Variants in RD3 observed in about 807,000 individuals in gnomAD.
The protein encoded by RD3 is RD3 regulator of GUCY2D.
Under a neutral mutation model 16.9 loss-of-function variants are expected in RD3, and 11 were observed. That is an observed-to-expected ratio of 0.65 (90% CI 0.41 to 1.08). The LOEUF (loss-of-function observed/expected upper bound fraction) is 1.08, where lower values mean the gene tolerates loss of function less well. Among genes scored for constraint, RD3 ranks in the 50% least tolerant of loss-of-function variants. RD3 has a pLI of 0.00. For missense variants in RD3, 274 were observed against 267.4 expected (o/e 1.02, Z -0.17); for synonymous variants, 116 against 114.8 (o/e 1.01, Z -0.07).
intron 1 of RD3, 143 bp from the exon 2 acceptor site, chr1:211,481,569 T>A: frequency 1.4e-6 from 1 of 693,062 alleles, no homozygotes; most frequent in Non-Finnish European, 2.4e-6. Context: ...TGGCCTCAAG[T>A]AGGTGGCTTA....
chr1:211,483,113 A>G lies in RD3; in HGVS notation c.-11-1687T>C, dbSNP rs551454121. ...TCTGGAAGGCCACAGCTAAATCTCT[A>G]CTTACCGATGGAGACTTGAATGACC... On this transcript the variant is annotated intron_variant, in intron 1 of 2. Coordinates refer to ENST00000680073, the MANE Select transcript of RD3 (RefSeq NM_001164688.2). 1.6e-4 allele frequency among the ~76,000 whole-genome samples: 25 copies of G among 152,052 alleles called. 1 individual carries two copies. In the South Asian group the frequency reaches 5.0e-3, roughly 30 times the overall value.
chr1:211,479,416 AT>A, intron 2 of RD3, 89 bp from the exon 3 acceptor site: 1 of 1,226,220 alleles, frequency 8.2e-7, no homozygotes, highest in Non-Finnish European at 1.1e-6. Flanking sequence ...CTGCCCGTGC[AT>A]CCTCATGGCC....
intron 2 of RD3, among the ~76,000 whole-genome samples, 196 bp from the exon 3 acceptor site, chr1:211,479,523 A>G (rs908500240): frequency 6.6e-6 from 1 of 152,194 alleles, no homozygotes; most frequent in Non-Finnish European, 1.5e-5. Flanking sequence ...CAGCTCTGCC[A>G]CTTCTGGCCT....
At chr1:211,481,571 G>A (rs1296301513) in intron 1 of RD3, 145 bp from the exon 2 acceptor site, 1 of 690,994 alleles carries the variant, frequency 1.4e-6, no homozygotes, top group Admixed American at 2.7e-5. Context: ...GCCTCAAGTA[G>A]GTGGCTTAAT....
Position 211,478,921 on chromosome 1 carries a change from T to A in RD3, c.*115A>T. On this transcript the variant is annotated 3_prime_UTR_variant, in exon 3 of 3. Coordinates refer to ENST00000680073, the MANE Select transcript of RD3 (RefSeq NM_001164688.2). ...AGCAGCGTCTTGGGATGGGGCCGCC[T>A]CTTGGGTCTCCTCGTCAGGCCTAGG... The A allele has an allele frequency of 1.2e-6, 1 of 865,848 alleles. No individual in the cohort carries two copies. Among genetic ancestry groups the A allele is most frequent in the Non-Finnish European group, 1.7e-6 (1 of 598,236 alleles). The allele number at this position is 865,848 out of a possible 1,614,324, so 53.6% of individuals were successfully genotyped here.
rs189864621 is a variant in RD3, at chr1:211,486,014, G to T, written c.-11-4588C>A. 8.3e-4 allele frequency among the ~76,000 whole-genome samples: 126 copies of T among 151,644 alleles called. 2 individuals carry two copies. The highest frequency in any genetic ancestry group is 2.9e-3 in the African/African-American group (120 of 41,280). On this transcript the variant is annotated intron_variant, in intron 1 of 2. Coordinates refer to ENST00000680073, the MANE Select transcript of RD3 (RefSeq NM_001164688.2). ...AAATTAGCTGGGCGTTGTGGCATGCGCCTGTAGTTCCAACTACTCAGGAGG... is the reference window on the plus strand; with the variant it reads ...AAATTAGCTGGGCGTTGTGGCATGCTCCTGTAGTTCCAACTACTCAGGAGG...
chr1:211,478,281 A>C lies in RD3; in HGVS notation c.*755T>G. On this transcript the variant is annotated 3_prime_UTR_variant, in exon 3 of 3. Transcript: ENST00000680073. ...TTCTTGGAGAGCAGCTTAGATTCTC[A>C]TCCCACTGCCAAGGTAAGAGATGGA... 2.8e-5 allele frequency: 11 copies of C among 396,442 alleles called. No individual in the cohort carries two copies. The highest frequency in any genetic ancestry group is 1.1e-4 in the East Asian group (3 of 27,914). 24.6% of individuals were successfully genotyped at this position (396,442 alleles called of 1,614,324 possible).
rs758451641 is a variant in RD3, at chr1:211,479,334, G to A, written c.297-7C>T. 6.3e-7 allele frequency: 1 copy of A among 1,598,852 alleles called. No homozygotes were observed. Among genetic ancestry groups the A allele is most frequent in the Non-Finnish European group, 8.5e-7 (1 of 1,173,418 alleles). The stretch of plus-strand genomic sequence containing the variant: ...CGCCAGCAGCTGCCGGAACCTGGGC[G>A]GGAGGGGAGGGCGCTGGGGACATTC... On this transcript the variant is annotated splice_polypyrimidine_tract_variant and splice_region_variant and intron_variant, in intron 2 of 2. Transcript: ENST00000680073.
intron 1 of RD3, among the ~76,000 whole-genome samples, chr1:211,488,684 A>G (rs532569749): frequency 1.2e-4 from 19 of 152,278 alleles, no homozygotes; most frequent in Non-Finnish European, 2.5e-4. Context: ...TAAGACCCCT[A>G]TCCATCTTGG....
intron 1 of RD3, among the ~76,000 whole-genome samples, chr1:211,488,165 C>A (rs897516424): frequency 1.3e-5 from 2 of 152,218 alleles, no homozygotes; most frequent in Non-Finnish European, 2.9e-5. Context: ...TATGTGAAAA[C>A]ATTCAGTAAA....
chr1:211,479,645 C>T (rs184057650), intron 2 of RD3, among the ~76,000 whole-genome samples: 4 of 151,664 alleles, frequency 2.6e-5, no homozygotes, highest in South Asian at 4.2e-4. Context: ...TTGTTGATGA[C>T]GAAGCATTAA....
At chr1:211,487,674 C>A (rs1020336) in intron 1 of RD3, among the ~76,000 whole-genome samples, 2 of 152,150 alleles carry the variant, frequency 1.3e-5, no homozygotes, top group Admixed American at 6.5e-5. Flanking sequence ...GGGACCCCTG[C>A]CTGCAGTCCC....
At position 211,478,583 on chromosome 1, in the gene RD3, C is replaced by G. The variant is rs1404470344; in HGVS notation, c.*453G>C. 9.2e-6 allele frequency: 2 copies of G among 216,286 alleles called. No homozygotes were observed. Among genetic ancestry groups the G allele is most frequent in the East Asian group, 2.1e-4 (2 of 9,696 alleles). 13.4% of individuals were successfully genotyped at this position (216,286 alleles called of 1,614,324 possible). A position where few individuals can be genotyped will look rare whatever the true frequency, so the allele number is the denominator to read the frequency against. On this transcript the variant is annotated 3_prime_UTR_variant, in exon 3 of 3. Transcript: ENST00000680073. Reference sequence around the variant, plus strand: ...CTGCAGTGGTGAGCTCAGCCAGTCACTAGCAAGAAGGCATACCAGCCAACA... The same window carrying G: ...CTGCAGTGGTGAGCTCAGCCAGTCAGTAGCAAGAAGGCATACCAGCCAACA...
At chr1:211,480,322 GC>G (rs1705235872) in intron 2 of RD3, among the ~76,000 whole-genome samples, 2 of 152,170 alleles carry the variant, frequency 1.3e-5, no homozygotes, top group African/African-American at 2.4e-5. Context: ...AAGGAGAGGA[GC>G]TTTTGAAGGG....
At chr1:211,482,923 G>A (rs1325463808) in intron 1 of RD3, among the ~76,000 whole-genome samples, 5 of 152,026 alleles carry the variant, frequency 3.3e-5, no homozygotes, top group Admixed American at 2.6e-4. Context: ...GATGAACTCA[G>A]TCTCAACAGC....
At position 211,482,470 on chromosome 1, in the gene RD3, C is replaced by G. The variant is rs186994353; in HGVS notation, c.-11-1044G>C. Among the ~76,000 whole-genome samples the G allele has an allele frequency of 1.3e-3, 202 of 151,916 alleles. 6 individuals carry two copies. The highest frequency in any genetic ancestry group is 4.5e-3 in the African/African-American group (186 of 41,228). ...TGATGTGGGAGGGGAAGGTGTGACC[C>G]TAGATGGTGAAAAGTGCCAGAGTGG... On this transcript the variant is annotated intron_variant, in intron 1 of 2. Transcript: ENST00000680073.
At position 211,481,283 on chromosome 1, in the gene RD3, G is replaced by A. The variant is rs369960606; in HGVS notation, c.133C>T (p.Arg45Trp). The change falls in exon 2 of 3, where the codon CGG (arginine) becomes TGG (tryptophan). Residue 45 changes from arginine to tryptophan, a missense_variant. Coordinates refer to ENST00000680073, the MANE Select transcript of RD3 (RefSeq NM_001164688.2). The part of the protein sequence containing the change: ...GQMREAERQQ[R>W]ERSNAVRKVC... The stretch of plus-strand genomic sequence containing the variant: ...TTTCTGACCGCATTGCTGCGCTCCC[G>A]CTGCTGCCTCTCAGCCTCTCGCATC... 27 of 1,614,230 alleles carry A rather than the reference G, an allele frequency of 1.7e-5. No homozygotes were observed. The highest frequency in any genetic ancestry group is 1.2e-4 in the South Asian group (11 of 91,088).
In RD3 at chr1:211,477,460, A is replaced by C. The variant is rs966678456; in HGVS notation, c.*1576T>G. On this transcript the variant is annotated 3_prime_UTR_variant, in exon 3 of 3. Coordinates refer to ENST00000680073, the MANE Select transcript of RD3 (RefSeq NM_001164688.2). Reference sequence around the variant, plus strand: ...CAGAGTGAGACTCAGTCTCAAAAAAAAAAAAAAAAGTTTGGCAACCAAGTG... The same window carrying C: ...CAGAGTGAGACTCAGTCTCAAAAAACAAAAAAAAAGTTTGGCAACCAAGTG... 1 of 152,104 alleles carries C rather than the reference A, an allele frequency of 6.6e-6. No individual in the cohort carries two copies. The highest frequency in any genetic ancestry group is 2.4e-5 in the African/African-American group (1 of 41,394). 9.4% of individuals were successfully genotyped at this position (152,104 alleles called of 1,614,324 possible). A position where few individuals can be genotyped will look rare whatever the true frequency, so the allele number is the denominator to read the frequency against.
intron 1 of RD3, among the ~76,000 whole-genome samples, chr1:211,489,151 G>A (rs977318336): frequency 6.6e-6 from 1 of 152,154 alleles, no homozygotes; most frequent in African/African-American, 2.4e-5. Context: ...ATGAGATTAT[G>A]TCTTTGTAAA....
Sources: gnomAD v4.1 joint callset for allele counts (sites outside exome capture counted in the v4.1 genomes callset) on GRCh38, gnomAD v4.1.1 for gene constraint, MANE v1.5 for transcripts, NCBI Gene and HGNC (gene_info 2026-07-23, HGNC 2026-07-21) for gene names.